The following LARGE1 variants were observed in gnomAD, a reference collection of about 807,000 sequenced individuals.
LARGE1 encodes the protein LARGE xylosyl- and glucuronyltransferase 1, also known as xylosyl- and glucuronyltransferase LARGE1.
A neutral mutation model predicts 87.6 loss-of-function variants in LARGE1; 43 were observed. That is an observed-to-expected ratio of 0.49 (90% CI 0.38 to 0.63). The LOEUF (loss-of-function observed/expected upper bound fraction) is 0.63. Ranked by LOEUF, LARGE1 falls within the 30% of genes least tolerant of loss-of-function variation. LARGE1 has a pLI of 0.00. For missense variants in LARGE1, 802 were observed against 1,000.2 expected (o/e 0.80, Z 2.67); for synonymous variants, 434 against 394.6 (o/e 1.10, Z -1.18).
chr22:33,713,966 A>AATAACGTAAC (rs71320989), intron 2 of LARGE1, among the ~76,000 whole-genome samples: 4 of 132,452 alleles, frequency 3.0e-5, no homozygotes, highest in Non-Finnish European at 4.9e-5. Flanking sequence ...AGAAAAAGTA[A>AATAACGTAAC]ATAACGTAAC....
chr22:33,452,496 C>T (rs762442829), intron 6 of LARGE1, among the ~76,000 whole-genome samples: 15 of 152,182 alleles, frequency 9.9e-5, no homozygotes, highest in African/African-American at 3.1e-4. Context: ...CTCAGGTGAG[C>T]GGGCCACATA....
At chr22:33,078,575 G>T in the LARGE1 span, among the ~76,000 whole-genome samples, 1 of 152,188 alleles carries the variant, frequency 6.6e-6, no homozygotes, top group Admixed American at 6.5e-5. Context: ...ACCAGGATTT[G>T]AAGCCAGGCA....
chr22:33,597,761 C>T (rs1039843221), intron 5 of LARGE1, among the ~76,000 whole-genome samples: 4 of 152,162 alleles, frequency 2.6e-5, no homozygotes, highest in African/African-American at 4.8e-5. Context: ...CTCGGGATCA[C>T]GCGCACCCCA....
In LARGE1 at chr22:33,463,491, A is replaced by T. The variant is rs552526225; in HGVS notation, c.788-31226T>A. 2.0e-5 allele frequency among the ~76,000 whole-genome samples: 3 copies of T among 152,306 alleles called. No individual in the cohort carries two copies. The South Asian group carries it at 6.2e-4, about 32-fold the overall frequency. On this transcript the variant is annotated intron_variant, in intron 6 of 14. Transcript: ENST00000397394. ...AAATAATAACAAATCAGGTTTATAG[A>T]TAGGAAGATTCATTATCACACATAC...
At chr22:33,710,177 G>A (rs1355327856) in intron 2 of LARGE1, among the ~76,000 whole-genome samples, 1 of 151,090 alleles carries the variant, frequency 6.6e-6, no homozygotes, top group Non-Finnish European at 1.5e-5. Context: ...GCAGTTACAA[G>A]CAATTCAAGG....
chr22:33,438,461 T>C (rs1159039440), intron 6 of LARGE1, among the ~76,000 whole-genome samples: 2 of 152,252 alleles, frequency 1.3e-5, no homozygotes, highest in Non-Finnish European at 2.9e-5. Context: ...AAAATGAAGC[T>C]GTCTTCTTTG....
rs574836314 is a variant in LARGE1 at position 33,596,532 on chromosome 22, A to G, written c.615+7903T>C. ...GGTAATTTTTCCAGACCTGCGCATAATATTTAACCTCTGTCACCCTGCCGA... is the reference window on the plus strand; with the variant it reads ...GGTAATTTTTCCAGACCTGCGCATAGTATTTAACCTCTGTCACCCTGCCGA... On this transcript the variant is annotated intron_variant, in intron 5 of 14. Transcript: ENST00000397394. 5.3e-5 allele frequency among the ~76,000 whole-genome samples: 8 copies of G among 152,322 alleles called. No homozygotes were observed. In the East Asian group the frequency reaches 1.5e-3, roughly 29 times the overall value.
chr22:33,182,501 T>C (rs1228478796), intron 11 of LARGE1, among the ~76,000 whole-genome samples: 1 of 152,058 alleles, frequency 6.6e-6, no homozygotes, highest in Non-Finnish European at 1.5e-5. Context: ...TAAAAAATAG[T>C]GTCAGACCCT....
the LARGE1 span, among the ~76,000 whole-genome samples, chr22:33,072,868 T>A: frequency 6.6e-6 from 1 of 152,200 alleles, no homozygotes; most frequent in Non-Finnish European, 1.5e-5. Context: ...ATGAAGGTTG[T>A]TCGTAGTCCT....
At chr22:33,435,201 C>T (rs1026853026) in intron 6 of LARGE1, among the ~76,000 whole-genome samples, 1 of 152,102 alleles carries the variant, frequency 6.6e-6, no homozygotes. Flanking sequence ...AGGGTTTCGC[C>T]ATGTTGACCA....
chr22:33,205,568 A>T (rs970878650), intron 11 of LARGE1, among the ~76,000 whole-genome samples: 56 of 152,242 alleles, frequency 3.7e-4, no homozygotes, highest in Non-Finnish European at 1.5e-5. Context: ...TCTCATTTGT[A>T]GCCAGCAGAA....
intron 9 of LARGE1, among the ~76,000 whole-genome samples, chr22:33,354,191 A>G (rs1940674293): frequency 6.6e-6 from 1 of 152,246 alleles, no homozygotes; most frequent in East Asian, 1.9e-4. Flanking sequence ...GCTTTCAGAC[A>G]GAAACTCTGA....
intron 4 of LARGE1, among the ~76,000 whole-genome samples, chr22:33,611,366 C>T (rs1376219412): frequency 1.3e-5 from 2 of 152,246 alleles, no homozygotes; most frequent in Non-Finnish European, 2.9e-5. Flanking sequence ...CTGCCCATTG[C>T]ACCAGTGTGC....
chr22:33,100,567 G>C, the LARGE1 span, among the ~76,000 whole-genome samples: 1 of 151,984 alleles, frequency 6.6e-6, no homozygotes, highest in Non-Finnish European at 1.5e-5. Flanking sequence ...GGACTGTACT[G>C]GTTTAGATAA....
At chr22:33,413,751 C>T (rs2066392846) in intron 7 of LARGE1, among the ~76,000 whole-genome samples, 1 of 152,006 alleles carries the variant, frequency 6.6e-6, no homozygotes, top group Admixed American at 6.6e-5. Flanking sequence ...AGGTGTGACC[C>T]ACCGCACCCG....
chr22:33,551,321 G>A (rs997005518), intron 6 of LARGE1, among the ~76,000 whole-genome samples: 5 of 152,196 alleles, frequency 3.3e-5, no homozygotes, highest in Admixed American at 3.3e-4. Flanking sequence ...AGAGATAAGA[G>A]TGGACATGAA....
At chr22:33,593,873 GT>G (rs1181264824) in intron 5 of LARGE1, among the ~76,000 whole-genome samples, 1 of 152,132 alleles carries the variant, frequency 6.6e-6, no homozygotes, top group Non-Finnish European at 1.5e-5. Context: ...ATGAGTTGCT[GT>G]TTTATTTCCA....
rs1602391153 is a variant in LARGE1 at position 33,552,306 on chromosome 22, T to G, written c.787+12542A>C. 2.0e-5 allele frequency among the ~76,000 whole-genome samples: 3 copies of G among 152,304 alleles called. No individual in the cohort carries two copies. In the South Asian group the frequency reaches 6.2e-4, roughly 32 times the overall value. Reference sequence around the variant, plus strand: ...CTCAAAGAAATCCCAGATGTTTTTGTACCACAACTCTGTCCCTTGACCTCC... The same window carrying G: ...CTCAAAGAAATCCCAGATGTTTTTGGACCACAACTCTGTCCCTTGACCTCC... On this transcript the variant is annotated intron_variant, in intron 6 of 14. Transcript: ENST00000397394.
intron 9 of LARGE1, among the ~76,000 whole-genome samples, chr22:33,342,509 A>G (rs947720250): frequency 1.3e-5 from 2 of 152,148 alleles, no homozygotes; most frequent in Non-Finnish European, 2.9e-5. Flanking sequence ...CTGGAAGTCA[A>G]CTCTGAAGCC....
Sources: allele counts gnomAD v4.1 joint callset (sites outside exome capture counted in the v4.1 genomes callset), GRCh38; gene constraint gnomAD v4.1.1; transcripts MANE v1.5; gene names NCBI Gene and HGNC (gene_info 2026-07-23, HGNC 2026-07-21).